Variants in CDK14 observed in about 807,000 individuals in gnomAD.
CDK14 encodes cyclin-dependent kinase 14.
A neutral mutation model predicts 60.7 loss-of-function variants in CDK14; 34 were observed. That is an observed-to-expected ratio of 0.56 (90% CI 0.43 to 0.75). The LOEUF (loss-of-function observed/expected upper bound fraction) is 0.75. Ranked by LOEUF, CDK14 falls within the 30% of genes least tolerant of loss-of-function variation. The probability of loss-of-function intolerance (pLI) is 0.00; values close to 1 mark genes in which losing one functional copy is unlikely to be tolerated. For missense variants in CDK14, 482 were observed against 564.1 expected (o/e 0.85, Z 1.47); for synonymous variants, 197 against 203.7 (o/e 0.97, Z 0.28).
intron 8 of CDK14, among the ~76,000 whole-genome samples, chr7:90,954,288 T>G (rs1794343442): frequency 3.3e-5 from 5 of 152,098 alleles, no homozygotes; most frequent in African/African-American, 1.2e-4. Context: ...AAAAGCCATT[T>G]CCTTACTACA....
intron 5 of CDK14, among the ~76,000 whole-genome samples, chr7:90,804,941 A>G (rs1275090151): frequency 6.6e-6 from 1 of 152,078 alleles, no homozygotes; most frequent in South Asian, 2.1e-4. Context: ...AAAAAACGCT[A>G]TCTTGTTTGA....
intron 2 of CDK14, among the ~76,000 whole-genome samples, chr7:90,646,767 C>T (rs544618122): frequency 6.6e-6 from 1 of 152,164 alleles, no homozygotes; most frequent in South Asian, 2.1e-4. Context: ...TGCTATTCAT[C>T]GTATGGATGT....
rs541442180 is a variant in CDK14 at position 90,596,457 on chromosome 7, C to G, written c.-171C>G. 2.5e-5 allele frequency: 13 copies of G among 527,666 alleles called. No individual in the cohort carries two copies. The highest frequency in any genetic ancestry group is 4.9e-4 in the Middle Eastern group (1 of 2,032). 32.7% of individuals were successfully genotyped at this position (527,666 alleles called of 1,614,324 possible). ...CGGCCCAGGCCGGAGCGGAGCCTGCCGTCCTCCGCCTGCCTGCTGCTCGCC... is the reference window on the plus strand; with the variant it reads ...CGGCCCAGGCCGGAGCGGAGCCTGCGGTCCTCCGCCTGCCTGCTGCTCGCC... On this transcript the variant is annotated 5_prime_UTR_variant, in exon 1 of 15. Coordinates refer to ENST00000380050, the MANE Select transcript of CDK14 (RefSeq NM_001287135.2).
chr7:91,010,833 C>CT (rs1445397622), intron 10 of CDK14, among the ~76,000 whole-genome samples: 6,888 of 64,450 alleles, frequency 0.11, 219 homozygotes, highest in Non-Finnish European at 0.14. Context: ...TCCTTCCTTC[C>CT]TCCCTCCCTC....
At chr7:91,022,738 C>CT (rs1270658318) in intron 10 of CDK14, among the ~76,000 whole-genome samples, 35 of 151,298 alleles carry the variant, frequency 2.3e-4, no homozygotes, top group Admixed American at 3.9e-4. Context: ...TTATTAGCAG[C>CT]TTTTTTTTTC....
intron 11 of CDK14, among the ~76,000 whole-genome samples, chr7:91,074,760 T>C (rs1273971720): frequency 6.7e-6 from 1 of 149,050 alleles, no homozygotes; most frequent in Non-Finnish European, 1.5e-5. Flanking sequence ...GATAGACTAA[T>C]GAAAAGAGAG....
chr7:91,181,113 C>T (rs1485642999), intron 14 of CDK14, among the ~76,000 whole-genome samples: 1 of 152,226 alleles, frequency 6.6e-6, no homozygotes, highest in East Asian at 1.9e-4. Context: ...TTCCTTAATA[C>T]TATTAAATAT....
chr7:90,929,016 T>A (rs1028870703), intron 8 of CDK14, among the ~76,000 whole-genome samples: 3 of 152,256 alleles, frequency 2.0e-5, no homozygotes, highest in Non-Finnish European at 4.4e-5. Context: ...TGGGACCCTC[T>A]GAGCCAGGCG....
intron 2 of CDK14, among the ~76,000 whole-genome samples, chr7:90,704,858 A>G (rs560994321): frequency 3.3e-5 from 5 of 152,262 alleles, no homozygotes; most frequent in African/African-American, 9.6e-5. Context: ...CTTCAAATAT[A>G]TGAGATTGTA....
chr7:91,182,693 A>G (rs1277646367), intron 14 of CDK14, among the ~76,000 whole-genome samples: 2 of 152,128 alleles, frequency 1.3e-5, no homozygotes, highest in African/African-American at 4.8e-5. Context: ...ATACCACTAT[A>G]TGCACCTACC....
At chr7:90,875,051 G>A (rs1791512908) in intron 6 of CDK14, among the ~76,000 whole-genome samples, 1 of 152,146 alleles carries the variant, frequency 6.6e-6, no homozygotes, top group African/African-American at 2.4e-5. Context: ...CTGAACCACC[G>A]ATCTACTGTA....
At chr7:91,135,370 G>GCC (rs1327972123) in intron 14 of CDK14, among the ~76,000 whole-genome samples, 3 of 152,142 alleles carry the variant, frequency 2.0e-5, no homozygotes, top group Non-Finnish European at 2.9e-5. Flanking sequence ...AAGTAAATGA[G>GCC]CCCCCTTTTA....
At chr7:90,743,790 A>G (rs973350137) in intron 3 of CDK14, among the ~76,000 whole-genome samples, 1 of 152,018 alleles carries the variant, frequency 6.6e-6, no homozygotes, top group Admixed American at 6.5e-5. Context: ...TCTGCTATCA[A>G]TACTACTATA....
rs187999789 is a variant in CDK14 at position 90,753,869 on chromosome 7, T to C, written c.464+6094T>C. 5.1e-4 allele frequency among the ~76,000 whole-genome samples: 78 copies of C among 152,274 alleles called. 1 individual carries two copies. Among genetic ancestry groups the C allele is most frequent in the Middle Eastern group, 6.8e-3 (2 of 294 alleles). ...GCTGAGAATTAAATCAAGAATGCAA[T>C]TTCATTTACAATAGCCACAAAAAAT... On this transcript the variant is annotated intron_variant, in intron 4 of 14. Coordinates refer to ENST00000380050, the MANE Select transcript of CDK14 (RefSeq NM_001287135.2).
chr7:90,668,256 C>G (rs1584781364), intron 2 of CDK14, among the ~76,000 whole-genome samples: 1 of 152,144 alleles, frequency 6.6e-6, no homozygotes, highest in Non-Finnish European at 1.5e-5. Context: ...TTGTGTTTCC[C>G]TACTGACTAA....
rs114471612 is a variant in CDK14, at chr7:91,148,181, C to T, written c.*28+29973C>T. Among the ~76,000 whole-genome samples the T allele has an allele frequency of 8.7e-3, 1,317 of 152,120 alleles. 10 individuals are homozygous for T. The highest frequency in any genetic ancestry group is 0.029 in the African/African-American group (1,186 of 41,502). On this transcript the variant is annotated intron_variant, in intron 14 of 14. Coordinates refer to ENST00000380050, the MANE Select transcript of CDK14 (RefSeq NM_001287135.2). ...CACCTTGAGCCCAGCAGTTCCACACCAGCTTGGGCAAGTTAGAGAGACCCC... is the reference window on the plus strand; with the variant it reads ...CACCTTGAGCCCAGCAGTTCCACACTAGCTTGGGCAAGTTAGAGAGACCCC...
chr7:91,036,283 CTGT>C (rs1425988076), intron 10 of CDK14, among the ~76,000 whole-genome samples: 1 of 152,188 alleles, frequency 6.6e-6, no homozygotes, highest in Non-Finnish European at 1.5e-5. Context: ...TTCTTGCTGG[CTGT>C]TGGCTGAAGC....
chr7:91,133,734 AT>A (rs1222619874), intron 14 of CDK14, among the ~76,000 whole-genome samples: 2 of 152,162 alleles, frequency 1.3e-5, no homozygotes, highest in Non-Finnish European at 2.9e-5. Flanking sequence ...GTTAATTTAC[AT>A]TTTTATAGCC....
At chr7:90,912,315 T>C (rs1219180266) in intron 7 of CDK14, among the ~76,000 whole-genome samples, 1 of 152,234 alleles carries the variant, frequency 6.6e-6, no homozygotes, top group African/African-American at 2.4e-5. Context: ...TCAAGAATCA[T>C]GTGCTTATTA....
Sources: gnomAD v4.1 joint callset for allele counts (sites outside exome capture counted in the v4.1 genomes callset) on GRCh38, gnomAD v4.1.1 for gene constraint, MANE v1.5 for transcripts, NCBI Gene and HGNC (gene_info 2026-07-23, HGNC 2026-07-21) for gene names.